ORC3: variants seen among roughly 807,000 people sequenced by gnomAD.
ORC3 encodes origin recognition complex subunit 3.
Under a neutral mutation model 100.7 loss-of-function variants are expected in ORC3, and 78 were observed. That is an observed-to-expected ratio of 0.77 (90% CI 0.65 to 0.94). The LOEUF (loss-of-function observed/expected upper bound fraction) is 0.94. Among genes scored for constraint, ORC3 ranks in the 40% least tolerant of loss-of-function variants. The probability of loss-of-function intolerance (pLI) is 0.00; values close to 1 mark genes in which losing one functional copy is unlikely to be tolerated. For missense variants in ORC3, 789 were observed against 823.9 expected, an observed-to-expected ratio of 0.96 and a Z score of 0.52; for synonymous variants, 295 against 289.3, an observed-to-expected ratio of 1.02 and a Z score of -0.20.
At chr6:87,653,309 A>G in intron 14 of ORC3, 60 bp downstream of exon 14, 1 of 1,515,236 alleles carries the variant, frequency 6.6e-7, no homozygotes, top group Non-Finnish European at 9.1e-7. Context: ...CTAAAATGGC[A>G]TGGAAAACCC....
intron 13 of ORC3, among the ~76,000 whole-genome samples, chr6:87,647,393 T>C: frequency 6.6e-6 from 1 of 152,178 alleles, no homozygotes; most frequent in South Asian, 2.1e-4. Context: ...CAGGAAAAGC[T>C]CTTCTGGATA....
chr6:87,607,227 G>A lies in ORC3; in HGVS notation c.428-446G>A, dbSNP rs775419020. On this transcript the variant is annotated intron_variant, in intron 5 of 19. Coordinates refer to ENST00000392844, the MANE Select transcript of ORC3 (RefSeq NM_012381.4). ...AGGCAGATCATGAGGTGAGGAGTTCGAGACCAGCCTGGCCAACATGGCAAA... is the reference window on the plus strand; with the variant it reads ...AGGCAGATCATGAGGTGAGGAGTTCAAGACCAGCCTGGCCAACATGGCAAA... 1.1e-4 allele frequency among the ~76,000 whole-genome samples: 16 copies of A among 152,110 alleles called. No individual in the cohort carries two copies. The South Asian group carries it at 2.1e-3, about 20-fold the overall frequency.
chr6:87,619,993 T>C (rs1779424386), intron 9 of ORC3, among the ~76,000 whole-genome samples: 1 of 152,230 alleles, frequency 6.6e-6, no homozygotes. Context: ...TTCCATAGGA[T>C]GTACAGCAGG....
rs562115824 is a variant in ORC3 at position 87,592,921 on chromosome 6, G to A, written c.25-1432G>A. Among the ~76,000 whole-genome samples, 17 of 151,730 alleles carry A rather than the reference G, an allele frequency of 1.1e-4. No individual in the cohort carries two copies. In the Middle Eastern group the frequency reaches 0.01, roughly 91 times the overall value. On this transcript the variant is annotated intron_variant, in intron 1 of 19. Coordinates refer to ENST00000392844, the MANE Select transcript of ORC3 (RefSeq NM_012381.4). Reference sequence around the variant, plus strand: ...AGCCTGGCCAACATAGTGAAACCCCGTCTCTACTAAAAATACAATAAATTA... The same window carrying A: ...AGCCTGGCCAACATAGTGAAACCCCATCTCTACTAAAAATACAATAAATTA...
the ORC3 span, among the ~76,000 whole-genome samples, chr6:87,672,556 A>G: frequency 6.6e-6 from 1 of 152,202 alleles, no homozygotes; most frequent in Non-Finnish European, 1.5e-5. Flanking sequence ...TTTAATACCA[A>G]TTACTGTAAG....
intron 8 of ORC3, among the ~76,000 whole-genome samples, chr6:87,614,998 G>C (rs1204381717): frequency 3.9e-5 from 6 of 152,088 alleles, no homozygotes; most frequent in Non-Finnish European, 7.3e-5. Context: ...CCAATTTACT[G>C]TATTAGTCTG....
chr6:87,619,578 G>A (rs1362456782), intron 9 of ORC3, among the ~76,000 whole-genome samples: 3 of 152,076 alleles, frequency 2.0e-5, no homozygotes, highest in Admixed American at 1.3e-4. Context: ...GGCTAATTTT[G>A]TATTTTTAGT....
chr6:87,667,362 ACT>A lies in ORC3; in HGVS notation c.*240_*241del. The A allele has an allele frequency of 2.7e-6, 1 of 366,182 alleles. No homozygotes were observed. The highest frequency in any genetic ancestry group is 4.8e-6 in the Non-Finnish European group (1 of 206,638). 22.7% of individuals were successfully genotyped at this position (366,182 alleles called of 1,614,324 possible). ...TAAAACTGCTCACACATTTTACTGTACTTTCCAAAGTCATTACTAAATTGTGA... is the reference window on the plus strand; with the variant it reads ...TAAAACTGCTCACACATTTTACTGTATTCCAAAGTCATTACTAAATTGTGA... On this transcript the variant is annotated 3_prime_UTR_variant, in exon 20 of 20. Transcript: ENST00000392844.
At chr6:87,669,503 A>AAAT (rs1447407028), downstream of ORC3, among the ~76,000 whole-genome samples, 2 of 152,250 alleles carry the variant, frequency 1.3e-5, no homozygotes, top group East Asian at 3.8e-4. Context: ...GCAACTGGAC[A>AAAT]AATAGAAGCC....
chr6:87,603,876 T>A (rs1156358250), intron 4 of ORC3, among the ~76,000 whole-genome samples: 1 of 152,180 alleles, frequency 6.6e-6, no homozygotes. Context: ...TGTTAGTAGA[T>A]TTGGTTTTCA....
the ORC3 span, among the ~76,000 whole-genome samples, chr6:87,676,831 C>CT: frequency 1.1e-4 from 17 of 149,814 alleles, no homozygotes; most frequent in African/African-American, 4.2e-4. Context: ...AATCCCAGCA[C>CT]TTTGAGAGGC....
At position 87,621,933 on chromosome 6, in the gene ORC3, A is replaced by T. The variant is rs768804664; in HGVS notation, c.1122-17A>T. The T allele has an allele frequency of 6.4e-7, 1 of 1,573,062 alleles. No individual in the cohort carries two copies. The highest frequency in any genetic ancestry group is 1.1e-5 in the South Asian group (1 of 89,156). ...TTTAATTTTCTCTTTTTATGTATGG[A>T]ATGGTGAAAATTCTAGGTACGTGGA... On this transcript the variant is annotated splice_polypyrimidine_tract_variant and intron_variant, in intron 10 of 19. Transcript: ENST00000392844.
intron 9 of ORC3, among the ~76,000 whole-genome samples, chr6:87,616,887 G>A (rs1009807807): frequency 1.3e-5 from 2 of 151,702 alleles, no homozygotes; most frequent in South Asian, 2.1e-4. Flanking sequence ...TGCAACCTTC[G>A]CCTCCCGGGT....
chr6:87,673,403 G>A, the ORC3 span, among the ~76,000 whole-genome samples: 1 of 151,936 alleles, frequency 6.6e-6, no homozygotes, highest in African/African-American at 2.4e-5. Flanking sequence ...ATTGTGGGAG[G>A]GGGTTTAACT....
At chr6:87,622,402 G>C (rs1395065021) in intron 11 of ORC3, among the ~76,000 whole-genome samples, 2 of 152,048 alleles carry the variant, frequency 1.3e-5, no homozygotes, top group East Asian at 3.8e-4. Flanking sequence ...GGCAGCTTAG[G>C]CGTCTGCTGC....
chr6:87,609,324 CT>C, intron 7 of ORC3, 95 bp downstream of exon 7: 1 of 790,568 alleles, frequency 1.3e-6, no homozygotes, highest in Admixed American at 3.0e-5. Context: ...TTAATACCAA[CT>C]GGATAAAAAT....
At chr6:87,618,176 C>T (rs144133997) in intron 9 of ORC3, among the ~76,000 whole-genome samples, 2,334 of 152,214 alleles carry the variant, frequency 0.015, 63 homozygotes, top group African/African-American at 0.054. Flanking sequence ...TTGGGGAGGC[C>T]GAGGCAGGCA....
the ORC3 span, among the ~76,000 whole-genome samples, chr6:87,676,479 G>A: frequency 5.6e-4 from 81 of 145,276 alleles, no homozygotes; most frequent in Admixed American, 1.3e-3. Flanking sequence ...AAACGAGGCC[G>A]GGCGCGGTGG....
intron 13 of ORC3, among the ~76,000 whole-genome samples, chr6:87,641,677 A>C (rs1050834497): frequency 3.3e-5 from 5 of 152,220 alleles, no homozygotes; most frequent in African/African-American, 9.6e-5. Flanking sequence ...AATTATTCTA[A>C]TTTCTGAGTA....
Sources: allele counts gnomAD v4.1 joint callset (sites outside exome capture counted in the v4.1 genomes callset), GRCh38; gene constraint gnomAD v4.1.1; transcripts MANE v1.5; gene names NCBI Gene and HGNC (gene_info 2026-07-23, HGNC 2026-07-21).